Variants in BTBD9 observed in about 807,000 individuals in gnomAD.
BTBD9 encodes the protein BTB domain containing 9.
BTBD9 carries 49 observed loss-of-function variants against 64.3 expected under a neutral mutation model. The ratio of observed to expected loss-of-function variants is 0.76; its 90% CI spans 0.61 to 0.97. The LOEUF is 0.97. Ranked by LOEUF, BTBD9 falls within the 50% of genes least tolerant of loss-of-function variation. The pLI is 0.00. For synonymous variants in BTBD9, 260 were observed against 274.7 expected (o/e 0.95, Z 0.53); for missense variants, 598 against 762.1 (o/e 0.78, Z 2.53).
chr6:38,370,090 G>A (rs1315906776), intron 6 of BTBD9, among the ~76,000 whole-genome samples: 3 of 152,154 alleles, frequency 2.0e-5, no homozygotes, highest in South Asian at 2.1e-4. Context: ...TATCCTGATT[G>A]TAAATTCCAG....
intron 6 of BTBD9, among the ~76,000 whole-genome samples, chr6:38,571,973 A>ATC (rs1775792106): frequency 8.2e-6 from 1 of 121,968 alleles, no homozygotes; most frequent in South Asian, 2.4e-4. Flanking sequence ...CAAAGAAACA[A>ATC]TCACACACAC....
At chr6:38,622,189 G>A (rs140371205) in intron 1 of BTBD9, among the ~76,000 whole-genome samples, 297 of 152,300 alleles carry the variant, frequency 2.0e-3, no homozygotes, top group African/African-American at 6.6e-3. Flanking sequence ...ATAATCCCTC[G>A]GTCCGTTGTA....
rs1766879486 is a variant in BTBD9 at position 38,173,581 on chromosome 6, G to C, written c.*1404C>G. On this transcript the variant is annotated 3_prime_UTR_variant, in exon 11 of 11. Coordinates refer to ENST00000481247, the MANE Select transcript of BTBD9 (RefSeq NM_001099272.2). ...ATCACTCAAAATCAAGTTAAACTAG[G>C]AGGAAGCGGCTGACCCGTTGGCTCT... 6.6e-6 allele frequency: 1 copy of C among 152,236 alleles called. No individual in the cohort carries two copies. Among genetic ancestry groups the C allele is most frequent in the South Asian group, 2.1e-4 (1 of 4,834 alleles). The allele number at this position is 152,236 out of a possible 1,614,324, so 9.4% of individuals were successfully genotyped here. A position where few individuals can be genotyped will look rare whatever the true frequency, so the allele number is the denominator to read the frequency against.
At chr6:38,344,326 G>T (rs898606298) in intron 7 of BTBD9, among the ~76,000 whole-genome samples, 5 of 152,018 alleles carry the variant, frequency 3.3e-5, no homozygotes, top group Non-Finnish European at 5.9e-5. Context: ...AACAAAACAA[G>T]ACAGAAAACA....
At chr6:38,554,019 A>T (rs1008372248) in intron 6 of BTBD9, among the ~76,000 whole-genome samples, 4 of 152,186 alleles carry the variant, frequency 2.6e-5, no homozygotes, top group African/African-American at 7.2e-5. Flanking sequence ...CAACATTTTG[A>T]TGAAAATTTT....
intron 6 of BTBD9, among the ~76,000 whole-genome samples, chr6:38,545,656 G>A (rs1465155534): frequency 6.6e-6 from 1 of 151,360 alleles, no homozygotes; most frequent in African/African-American, 2.4e-5. Flanking sequence ...GCGGGCACCT[G>A]TAGTCCCAGC....
At chr6:38,321,668 C>T (rs1172288466) in intron 7 of BTBD9, among the ~76,000 whole-genome samples, 4 of 152,130 alleles carry the variant, frequency 2.6e-5, no homozygotes, top group African/African-American at 7.2e-5. Flanking sequence ...TATTAGAACT[C>T]CTTAGACAAG....
At chr6:38,267,622 C>G (rs1284608552) in intron 8 of BTBD9, among the ~76,000 whole-genome samples, 2 of 152,206 alleles carry the variant, frequency 1.3e-5, no homozygotes, top group Non-Finnish European at 2.9e-5. Context: ...ATGCCTTACA[C>G]ATCATAAGCT....
chr6:38,303,601 T>C (rs9470855), intron 7 of BTBD9, among the ~76,000 whole-genome samples: 7,641 of 151,822 alleles, frequency 0.05, 629 homozygotes, highest in African/African-American at 0.17. Context: ...CCACCTACGC[T>C]ATGCCTTACT....
intron 6 of BTBD9, among the ~76,000 whole-genome samples, chr6:38,495,916 A>G (rs903923556): frequency 1.3e-5 from 2 of 152,204 alleles, no homozygotes; most frequent in African/African-American, 4.8e-5. Context: ...AAGTATTAAG[A>G]GCAGTGAGGT....
In BTBD9 at chr6:38,429,468, A is replaced by G. The variant is rs148968947; in HGVS notation, c.1155-84375T>C. ...AAGACTACGTCTCAAAAAAAAAAAA[A>G]AAAGAAAGAAAAACGGATTTGAATA... On this transcript the variant is annotated intron_variant, in intron 6 of 10. Coordinates refer to ENST00000481247, the MANE Select transcript of BTBD9 (RefSeq NM_001099272.2). Among the ~76,000 whole-genome samples the G allele has an allele frequency of 5.8e-3, 884 of 151,406 alleles. 24 individuals are homozygous for G. Among genetic ancestry groups the G allele is most frequent in the African/African-American group, 0.02 (804 of 41,030 alleles).
At chr6:38,476,703 C>T (rs1043719504) in intron 6 of BTBD9, among the ~76,000 whole-genome samples, 4 of 152,164 alleles carry the variant, frequency 2.6e-5, no homozygotes, top group Non-Finnish European at 5.9e-5. Context: ...CTGACAATTT[C>T]CTCTTTGCAT....
At chr6:38,548,272 A>T (rs1053476630) in intron 6 of BTBD9, among the ~76,000 whole-genome samples, 2 of 152,214 alleles carry the variant, frequency 1.3e-5, no homozygotes, top group Non-Finnish European at 2.9e-5. Flanking sequence ...TTCCAGGCTG[A>T]AACAATTCAT....
chr6:38,562,500 C>G (rs892072041), intron 6 of BTBD9, among the ~76,000 whole-genome samples: 3 of 152,082 alleles, frequency 2.0e-5, no homozygotes, highest in Non-Finnish European at 1.5e-5. Flanking sequence ...ATCGCATAGC[C>G]AAGTATAACA....
intron 10 of BTBD9, among the ~76,000 whole-genome samples, chr6:38,185,623 C>G (rs1021021605): frequency 2.6e-5 from 4 of 152,172 alleles, no homozygotes; most frequent in Admixed American, 2.6e-4. Flanking sequence ...TGCTATAAGG[C>G]ACAGTTTTCC....
At position 38,572,602 on chromosome 6, in the gene BTBD9, G is replaced by A. The variant is rs186869611; in HGVS notation, c.1154+4998C>T. On this transcript the variant is annotated intron_variant, in intron 6 of 10. Transcript: ENST00000481247. ...GAATCAAAGAAATCAGTGGAACTGA[G>A]TAGGGTATATGCTAGAATCCAGCTC... Among the ~76,000 whole-genome samples, 948 of 152,272 alleles carry A rather than the reference G, an allele frequency of 6.2e-3. 18 individuals carry two copies. In the South Asian group the frequency reaches 0.078, roughly 13 times the overall value.
chr6:38,523,479 C>T (rs1773355856), intron 6 of BTBD9, among the ~76,000 whole-genome samples: 1 of 152,104 alleles, frequency 6.6e-6, no homozygotes, highest in South Asian at 2.1e-4. Context: ...AGCCTACTAC[C>T]CTTGTGCCCT....
chr6:38,425,927 T>TACACAC (rs61016424), intron 6 of BTBD9, among the ~76,000 whole-genome samples: 13,183 of 136,920 alleles, frequency 0.096, 650 homozygotes, highest in African/African-American at 0.11. Flanking sequence ...AAGAAACACA[T>TACACAC]ACACACACAC....
chr6:38,555,169 T>C (rs1164425653), intron 6 of BTBD9, among the ~76,000 whole-genome samples: 1 of 152,216 alleles, frequency 6.6e-6, no homozygotes, highest in Non-Finnish European at 1.5e-5. Flanking sequence ...TTATTGCTCA[T>C]CAAGGTTCTG....
Sources: allele counts gnomAD v4.1 joint callset (sites outside exome capture counted in the v4.1 genomes callset), GRCh38; gene constraint gnomAD v4.1.1; transcripts MANE v1.5; gene names NCBI Gene and HGNC (gene_info 2026-07-23, HGNC 2026-07-21).